LLPH: variants seen among roughly 807,000 people sequenced by gnomAD.
LLPH encodes protein LLP homolog.
In LLPH, 5 loss-of-function variants were observed where a neutral mutation model predicts 13.3. That is an observed-to-expected ratio of 0.38 (90% CI 0.20 to 0.79). The LOEUF (loss-of-function observed/expected upper bound fraction) is 0.79. Ranked by LOEUF, LLPH falls within the 30% of genes least tolerant of loss-of-function variation. LLPH has a pLI of 0.45. For missense variants in LLPH, 129 were observed against 152.1 expected (o/e 0.85, Z 0.80); for synonymous variants, 32 against 44.2 (o/e 0.72, Z 1.09).
intron 1 of LLPH, among the ~76,000 whole-genome samples, chr12:66,130,183 A>G (rs944530674): frequency 6.6e-6 from 1 of 151,846 alleles, no homozygotes; most frequent in Non-Finnish European, 1.5e-5. Context: ...CTCAGAAAGG[A>G]CTCCTCTGAC....
At position 66,126,864 on chromosome 12, in the gene LLPH, G is replaced by A. The variant is rs547496472; in HGVS notation, c.211+2032C>T. On this transcript the variant is annotated intron_variant, in intron 2 of 2. Coordinates refer to ENST00000266604, the MANE Select transcript of LLPH (RefSeq NM_032338.4). ...GAGAATTGCTTGAACCTGGGAGGCA[G>A]AGGTTGTGGTGAGCCGAGATCATGC... is the stretch of plus-strand genomic sequence containing the variant. Among the ~76,000 whole-genome samples, 57 of 151,884 alleles carry A rather than the reference G, an allele frequency of 3.8e-4. No individual in the cohort carries two copies. In the Middle Eastern group the frequency reaches 0.01, roughly 27 times the overall value.
rs11544759 is a variant in LLPH, at chr12:66,123,636, T to C, written c.*204A>G. On this transcript the variant is annotated 3_prime_UTR_variant, in exon 3 of 3. Transcript: ENST00000266604. ...CATCCAGTTAAAGTATCAGTAGAGC[T>C]TGGATGTATCAAAGAAAATATTTTA... The C allele has an allele frequency of 2.9e-3, 1,714 of 590,774 alleles. 29 individuals are homozygous for C. The highest frequency in any genetic ancestry group is 0.029 in the African/African-American group (1,556 of 53,694). The allele number at this position is 590,774 out of a possible 1,614,324, so 36.6% of individuals were successfully genotyped here. A position where few individuals can be genotyped will look rare whatever the true frequency, so the allele number is the denominator to read the frequency against.
rs2051436351 is a variant in LLPH, at chr12:66,117,530, A to G, written c.*6310T>C. Reference sequence around the variant, plus strand: ...TGTCAGTCATATAAAGGTATAGCACATACAATTATGTACAGTTCATAATAC... The same window carrying G: ...TGTCAGTCATATAAAGGTATAGCACGTACAATTATGTACAGTTCATAATAC... On this transcript the variant is annotated 3_prime_UTR_variant, in exon 3 of 3. Coordinates refer to ENST00000266604, the MANE Select transcript of LLPH (RefSeq NM_032338.4). The G allele has an allele frequency of 6.6e-6, 1 of 152,268 alleles. No homozygotes were observed. Among genetic ancestry groups the G allele is most frequent in the South Asian group, 2.1e-4 (1 of 4,836 alleles). The allele number at this position is 152,268 out of a possible 1,614,324, so 9.4% of individuals were successfully genotyped here.
rs1284489183 is a variant in LLPH, at chr12:66,119,816, T to G, written c.*4024A>C. The G allele has an allele frequency of 6.6e-6, 1 of 152,262 alleles. No homozygotes were observed. The highest frequency in any genetic ancestry group is 6.5e-5 in the Admixed American group (1 of 15,290). 9.4% of individuals were successfully genotyped at this position (152,262 alleles called of 1,614,324 possible). On this transcript the variant is annotated 3_prime_UTR_variant, in exon 3 of 3. Coordinates refer to ENST00000266604, the MANE Select transcript of LLPH (RefSeq NM_032338.4). Reference sequence around the variant, plus strand: ...CCACCAGTCCATTTCAGATATTTGATTCAAGTCATTTATAGCTATTTTTCT... The same window carrying G: ...CCACCAGTCCATTTCAGATATTTGAGTCAAGTCATTTATAGCTATTTTTCT...
chr12:66,125,927 C>A lies in LLPH; in HGVS notation c.212-1909G>T, dbSNP rs142732286. Among the ~76,000 whole-genome samples, 62 of 152,248 alleles carry A rather than the reference C, an allele frequency of 4.1e-4. 1 individual carries two copies. In the South Asian group the frequency reaches 0.013, roughly 31 times the overall value. ...ATACCATAAATAAAAATTTCAAAAG[C>A]AAATTGTAATTAATACCCTTAGGAG... On this transcript the variant is annotated intron_variant, in intron 2 of 2. Coordinates refer to ENST00000266604, the MANE Select transcript of LLPH (RefSeq NM_032338.4).
chr12:66,122,354 C>T lies in LLPH; in HGVS notation c.*1486G>A, dbSNP rs552964915. 6.6e-6 allele frequency: 1 copy of T among 152,266 alleles called. No homozygotes were observed. Among genetic ancestry groups the T allele is most frequent in the South Asian group, 2.1e-4 (1 of 4,830 alleles). The allele number at this position is 152,266 out of a possible 1,614,324, so 9.4% of individuals were successfully genotyped here. ...TGGCCTTATTCTATTTCACATTTTA[C>T]TTGAGTTCTCCTGGGAAGTTAACAT... On this transcript the variant is annotated 3_prime_UTR_variant, in exon 3 of 3. Transcript: ENST00000266604.
chr12:66,125,766 T>C (rs2051492469), intron 2 of LLPH, among the ~76,000 whole-genome samples: 1 of 152,138 alleles, frequency 6.6e-6, no homozygotes, highest in Non-Finnish European at 1.5e-5. Context: ...ATCATTGTAG[T>C]GCCACACTTT....
At position 66,121,992 on chromosome 12, in the gene LLPH, G is replaced by T. The variant is rs1360599437; in HGVS notation, c.*1848C>A. The T allele has an allele frequency of 6.6e-6, 1 of 150,790 alleles. No individual in the cohort carries two copies. Among genetic ancestry groups the T allele is most frequent in the East Asian group, 2.0e-4 (1 of 5,128 alleles). The allele number at this position is 150,790 out of a possible 1,614,324, so 9.3% of individuals were successfully genotyped here. On this transcript the variant is annotated 3_prime_UTR_variant, in exon 3 of 3. Transcript: ENST00000266604. Reference sequence around the variant, plus strand: ...TTTTTTTTATTTTATGAATAAAAATGTACATATTCACTTTTCCCTCACAAA... The same window carrying T: ...TTTTTTTTATTTTATGAATAAAAATTTACATATTCACTTTTCCCTCACAAA...
At chr12:66,129,757 C>A (rs1320854064) in intron 1 of LLPH, among the ~76,000 whole-genome samples, 1 of 152,166 alleles carries the variant, frequency 6.6e-6, no homozygotes, top group Non-Finnish European at 1.5e-5. Context: ...ATTTATGCAA[C>A]AGCTTACAAA....
At position 66,117,729 on chromosome 12, in the gene LLPH, C is replaced by T. The variant is rs1174921815; in HGVS notation, c.*6111G>A. 1 of 152,200 alleles carries T rather than the reference C, an allele frequency of 6.6e-6. No homozygotes were observed. The highest frequency in any genetic ancestry group is 1.5e-5 in the Non-Finnish European group (1 of 68,048). The allele number at this position is 152,200 out of a possible 1,614,324, so 9.4% of individuals were successfully genotyped here. On this transcript the variant is annotated 3_prime_UTR_variant, in exon 3 of 3. Coordinates refer to ENST00000266604, the MANE Select transcript of LLPH (RefSeq NM_032338.4). ...GGCAACTCCATGCCTGTTATTGCCCCTGAAGGCCTTGCAGTGGGACAAGCT... is the reference window on the plus strand; with the variant it reads ...GGCAACTCCATGCCTGTTATTGCCCTTGAAGGCCTTGCAGTGGGACAAGCT...
At chr12:66,130,075 T>A (rs2051525239) in intron 1 of LLPH, among the ~76,000 whole-genome samples, 1 of 152,162 alleles carries the variant, frequency 6.6e-6, no homozygotes, top group African/African-American at 2.4e-5. Context: ...CAACTACGTC[T>A]GTAAAGAGTC....
chr12:66,128,657 G>A (rs1051946267), intron 2 of LLPH, among the ~76,000 whole-genome samples: 1 of 152,000 alleles, frequency 6.6e-6, no homozygotes, highest in Non-Finnish European at 1.5e-5. Flanking sequence ...ACATGAACAG[G>A]CTTGACAGAA....
At position 66,117,916 on chromosome 12, in the gene LLPH, T is replaced by C. The variant is rs1480190703; in HGVS notation, c.*5924A>G. ...TATTTGTGTACAGTTGTACAATGTA[T>C]TTGTGTTTTAAGGTAAGTGTTATGA... On this transcript the variant is annotated 3_prime_UTR_variant, in exon 3 of 3. Coordinates refer to ENST00000266604, the MANE Select transcript of LLPH (RefSeq NM_032338.4). 6.6e-6 allele frequency: 1 copy of C among 152,210 alleles called. No homozygotes were observed. The highest frequency in any genetic ancestry group is 1.5e-5 in the Non-Finnish European group (1 of 68,040). The allele number at this position is 152,210 out of a possible 1,614,324, so 9.4% of individuals were successfully genotyped here. A position where few individuals can be genotyped will look rare whatever the true frequency, so the allele number is the denominator to read the frequency against.
rs114476055 is a variant in LLPH, at chr12:66,126,636, T to C, written c.211+2260A>G. On this transcript the variant is annotated intron_variant, in intron 2 of 2. Coordinates refer to ENST00000266604, the MANE Select transcript of LLPH (RefSeq NM_032338.4). ...ATAATACAAATGGTCAATCAGCATATGAAAAAATGTTCAGCCGGGTGTGGT... is the reference window on the plus strand; with the variant it reads ...ATAATACAAATGGTCAATCAGCATACGAAAAAATGTTCAGCCGGGTGTGGT... Among the ~76,000 whole-genome samples, 854 of 151,944 alleles carry C rather than the reference T, an allele frequency of 5.6e-3. 11 individuals are homozygous for C. Among genetic ancestry groups the C allele is most frequent in the African/African-American group, 0.02 (837 of 41,454 alleles).
rs1331265816 is a variant in LLPH at position 66,117,954 on chromosome 12, A to G, written c.*5886T>C. The stretch of plus-strand genomic sequence containing the variant: ...GTAAGTGTTATGATAAAAGGGTTAT[A>G]CAGTTTAAAAAATTAAAACGTTTAT... On this transcript the variant is annotated 3_prime_UTR_variant, in exon 3 of 3. Coordinates refer to ENST00000266604, the MANE Select transcript of LLPH (RefSeq NM_032338.4). 6.6e-6 allele frequency: 1 copy of G among 152,260 alleles called. No individual in the cohort carries two copies. The highest frequency in any genetic ancestry group is 6.5e-5 in the Admixed American group (1 of 15,288). The allele number at this position is 152,260 out of a possible 1,614,324, so 9.4% of individuals were successfully genotyped here. A position where few individuals can be genotyped will look rare whatever the true frequency, so the allele number is the denominator to read the frequency against.
At position 66,123,904 on chromosome 12, in the gene LLPH, C is replaced by T. The variant is rs749613152; in HGVS notation, c.326G>A (p.Arg109Gln). 1.6e-5 allele frequency: 25 copies of T among 1,612,386 alleles called. No individual in the cohort carries two copies. In the Middle Eastern group the frequency reaches 5.9e-4, roughly 38 times the overall value. The change falls in exon 3 of 3, where the codon CGA becomes CAA. Residue 109 changes from arginine to glutamine, a missense_variant. Transcript: ENST00000266604. ...TTTGCTTTTCCCCTTTCTTTTCTCT[C>T]GCTTTGCCTTCAGCCTTTTTCTTTG... ...QRQRKRLKAK[R>Q]EKRKGKSKAK...
chr12:66,126,575 G>C (rs902273131), intron 2 of LLPH, among the ~76,000 whole-genome samples: 41 of 152,146 alleles, frequency 2.7e-4, no homozygotes, highest in South Asian at 4.1e-4. Context: ...ATTGAAAAAC[G>C]AGGCAAAAGA....
At chr12:66,126,501 C>A (rs1038128447) in intron 2 of LLPH, among the ~76,000 whole-genome samples, 3 of 151,976 alleles carry the variant, frequency 2.0e-5, no homozygotes, top group African/African-American at 7.3e-5. Flanking sequence ...TGGATGTGGG[C>A]ATCTGGTATC....
intron 1 of LLPH, chr12:66,130,408 ACATAACT>A (rs1363417214): frequency 6.6e-6 from 1 of 152,228 alleles, no homozygotes; most frequent in Non-Finnish European, 1.5e-5. Context: ...TCCCTTGTCT[ACATAACT>A]CAACCCTTGC....
Sources: allele counts gnomAD v4.1 joint callset (sites outside exome capture counted in the v4.1 genomes callset), GRCh38; gene constraint gnomAD v4.1.1; transcripts MANE v1.5; gene names NCBI Gene and HGNC (gene_info 2026-07-23, HGNC 2026-07-21).